The following SPRED1 variants were observed in gnomAD, a reference collection of about 807,000 sequenced individuals.
SPRED1 encodes sprouty-related, EVH1 domain-containing protein 1.
Under a neutral mutation model 52.3 loss-of-function variants are expected in SPRED1, and 18 were observed. The observed-to-expected ratio is 0.34, with a 90% CI of 0.24 to 0.51. The LOEUF (loss-of-function observed/expected upper bound fraction) is 0.51, where lower values mean the gene tolerates loss of function less well. Among genes scored for constraint, SPRED1 ranks in the 20% least tolerant of loss-of-function variants. The pLI is 0.97. For synonymous variants in SPRED1, 155 were observed against 179.7 expected, an observed-to-expected ratio of 0.86 and a Z score of 1.10; for missense variants, 485 against 551.0, an observed-to-expected ratio of 0.88 and a Z score of 1.20.
Position 38,253,170 on chromosome 15 carries a change from T to C in SPRED1, c.-16T>C. ...GTTGCTCCTCCATCTCCAGATCGGA[T>C]CACGGTGAGGGAAAGATGAGCGAGG... is the stretch of plus-strand genomic sequence containing the variant. On this transcript the variant is annotated 5_prime_UTR_variant, in exon 1 of 7. Coordinates refer to ENST00000299084, the MANE Select transcript of SPRED1 (RefSeq NM_152594.3). 2 of 1,576,370 alleles carry C rather than the reference T, an allele frequency of 1.3e-6. No individual in the cohort carries two copies. The highest frequency in any genetic ancestry group is 1.7e-6 in the Non-Finnish European group (2 of 1,160,106).
At chr15:38,320,470 G>A (rs1895579442) in intron 2 of SPRED1, among the ~76,000 whole-genome samples, 1 of 151,706 alleles carries the variant, frequency 6.6e-6, no homozygotes, top group African/African-American at 2.4e-5. Context: ...ACTAGGGAGT[G>A]GTCCAGTAAA....
intron 1 of SPRED1, among the ~76,000 whole-genome samples, chr15:38,274,166 G>C (rs1409473465): frequency 6.6e-6 from 1 of 152,180 alleles, no homozygotes; most frequent in African/African-American, 2.4e-5. Flanking sequence ...TAAATGGTCA[G>C]ACTACATTTT....
chr15:38,348,927 C>CT (rs1465934071), intron 5 of SPRED1, among the ~76,000 whole-genome samples: 1 of 151,998 alleles, frequency 6.6e-6, no homozygotes, highest in African/African-American at 2.4e-5. Context: ...CAAAATCATC[C>CT]TTTAAAAAAG....
chr15:38,283,862 G>A (rs1292216731), intron 1 of SPRED1, among the ~76,000 whole-genome samples: 1 of 152,122 alleles, frequency 6.6e-6, no homozygotes, highest in Non-Finnish European at 1.5e-5. Flanking sequence ...TAGGTAGATA[G>A]AGCTGCCTTA....
chr15:38,284,727 C>T (rs1894769043), intron 1 of SPRED1, among the ~76,000 whole-genome samples: 1 of 151,954 alleles, frequency 6.6e-6, no homozygotes, highest in Admixed American at 6.6e-5. Context: ...CTTGAGTAAA[C>T]CTTCTGTTTT....
intron 1 of SPRED1, among the ~76,000 whole-genome samples, chr15:38,265,885 G>A (rs1251867266): frequency 2.0e-5 from 3 of 152,060 alleles, no homozygotes; most frequent in Non-Finnish European, 4.4e-5. Flanking sequence ...AGTTATTAAA[G>A]GTTTAGAATT....
chr15:38,264,431 T>C (rs1473074578), intron 1 of SPRED1, among the ~76,000 whole-genome samples: 1 of 152,098 alleles, frequency 6.6e-6, no homozygotes. Context: ...GCTTGTAGAG[T>C]GTAAGTGGGA....
intron 1 of SPRED1, among the ~76,000 whole-genome samples, chr15:38,263,437 A>T (rs56152774): frequency 3.9e-5 from 6 of 152,034 alleles, no homozygotes; most frequent in African/African-American, 1.5e-4. Context: ...CATTGAGAAT[A>T]TTAAGTAATA....
At position 38,309,265 on chromosome 15, in the gene SPRED1, C is replaced by G. The variant is rs1246148158; in HGVS notation, c.207+9718C>G. Reference sequence around the variant, plus strand: ...AAACGATTCTCCTGCCTCAGCCTCCCAGGTAGCTGGGACCACAGGCATGCA... The same window carrying G: ...AAACGATTCTCCTGCCTCAGCCTCCGAGGTAGCTGGGACCACAGGCATGCA... On this transcript the variant is annotated intron_variant, in intron 2 of 6. Transcript: ENST00000299084. Among the ~76,000 whole-genome samples the G allele has an allele frequency of 3.3e-5, 5 of 152,210 alleles. No homozygotes were observed. In the South Asian group the frequency reaches 1.0e-3, roughly 32 times the overall value.
At chr15:38,306,231 A>G (rs1476727862) in intron 2 of SPRED1, among the ~76,000 whole-genome samples, 1 of 152,138 alleles carries the variant, frequency 6.6e-6, no homozygotes, top group East Asian at 1.9e-4. Flanking sequence ...AGTTACTTGT[A>G]GTTCATCAGA....
chr15:38,346,240 C>A (rs1896132364), intron 5 of SPRED1, among the ~76,000 whole-genome samples: 1 of 151,652 alleles, frequency 6.6e-6, no homozygotes, highest in Non-Finnish European at 1.5e-5. Flanking sequence ...TTGCTTGAGC[C>A]AGGGAGGTCC....
At chr15:38,267,115 C>A (rs906938478) in intron 1 of SPRED1, among the ~76,000 whole-genome samples, 1 of 152,180 alleles carries the variant, frequency 6.6e-6, no homozygotes, top group Non-Finnish European at 1.5e-5. Flanking sequence ...CAGCTTTCAA[C>A]TGCATCTAGT....
At position 38,351,556 on chromosome 15, in the gene SPRED1, T is replaced by G; in HGVS notation, c.1227T>G (p.Ala409=). 1 of 1,614,142 alleles carries G rather than the reference T, an allele frequency of 6.2e-7. No homozygotes were observed. The highest frequency in any genetic ancestry group is 2.2e-5 in the East Asian group (1 of 44,876). The change falls in exon 7 of 7, where the codon GCT becomes GCG. Residue 409 remains alanine, a synonymous_variant. Coordinates refer to ENST00000299084, the MANE Select transcript of SPRED1 (RefSeq NM_152594.3). ...KFCLRWLALV[A]LSFIVPCMCC... ...GCTTGCGATGGTTAGCCCTGGTAGC[T>G]TTGTCTTTCATTGTACCATGTATGT...
intron 2 of SPRED1, among the ~76,000 whole-genome samples, chr15:38,315,454 A>G (rs1388087669): frequency 6.6e-6 from 1 of 151,962 alleles, no homozygotes; most frequent in Non-Finnish European, 1.5e-5. Context: ...GGCTTGGTCT[A>G]TTTTAAATGC....
At chr15:38,278,809 A>G (rs1341609246) in intron 1 of SPRED1, among the ~76,000 whole-genome samples, 1 of 147,302 alleles carries the variant, frequency 6.8e-6, no homozygotes, top group African/African-American at 2.5e-5. Context: ...AAACACAACC[A>G]TTATAACCTA....
At chr15:38,286,175 A>G (rs1040356221) in intron 1 of SPRED1, among the ~76,000 whole-genome samples, 1 of 140,116 alleles carries the variant, frequency 7.1e-6, no homozygotes, top group Non-Finnish European at 1.5e-5. Flanking sequence ...ACTTGAGCTC[A>G]GGAGTTTGAA....
rs1888542970 is a variant in SPRED1, at chr15:38,353,572, T to C, written c.*1908T>C. ...AAGTCTTATTTTTACTGTTTATATA[T>C]TTGAATGCTGCTACAACAGATGATC... On this transcript the variant is annotated 3_prime_UTR_variant, in exon 7 of 7. Transcript: ENST00000299084. 2.0e-5 allele frequency: 3 copies of C among 152,564 alleles called. No homozygotes were observed. In the South Asian group the frequency reaches 6.2e-4, roughly 32 times the overall value. The allele number at this position is 152,564 out of a possible 1,614,324, so 9.5% of individuals were successfully genotyped here. A position where few individuals can be genotyped will look rare whatever the true frequency, so the allele number is the denominator to read the frequency against.
intron 1 of SPRED1, among the ~76,000 whole-genome samples, chr15:38,277,908 C>CT (rs34918769): frequency 4.0e-5 from 6 of 150,166 alleles, no homozygotes; most frequent in African/African-American, 1.2e-4. Flanking sequence ...TCATGTATGT[C>CT]TTTTTTTTTT....
intron 1 of SPRED1, among the ~76,000 whole-genome samples, chr15:38,290,788 T>C (rs1894907520): frequency 6.6e-6 from 1 of 152,108 alleles, no homozygotes; most frequent in Non-Finnish European, 1.5e-5. Context: ...AATGATTCCA[T>C]TACCTCCCCC....
Sources: gnomAD v4.1 joint callset for allele counts (sites outside exome capture counted in the v4.1 genomes callset) on GRCh38, gnomAD v4.1.1 for gene constraint, MANE v1.5 for transcripts, NCBI Gene and HGNC (gene_info 2026-07-23, HGNC 2026-07-21) for gene names.